Variants in PCDH11X observed in about 807,000 individuals in gnomAD.
PCDH11X encodes the protein protocadherin 11 X-linked, also known as protocadherin-11 X-linked.
Under a neutral mutation model 53.3 loss-of-function variants are expected in PCDH11X, and 18 were observed. That is an observed-to-expected ratio of 0.34 (90% CI 0.23 to 0.50). PCDH11X has a LOEUF of 0.50. Ranked by LOEUF, PCDH11X falls within the 20% of genes least tolerant of loss-of-function variation. The pLI, the probability that PCDH11X is intolerant of heterozygous loss-of-function variation, is 0.98. For synonymous variants in PCDH11X, 279 were observed against 393.3 expected, an observed-to-expected ratio of 0.71 and a Z score of 3.44; for missense variants, 570 against 1,032.4, an observed-to-expected ratio of 0.55 and a Z score of 6.14.
intron 9 of PCDH11X, among the ~76,000 whole-genome samples, chrX:92,433,158 A>G (rs891976186): frequency 9.0e-6 from 1 of 111,165 alleles, no homozygotes; most frequent in Non-Finnish European, 1.9e-5. Flanking sequence ...AAGAGCTATT[A>G]TTGTAATTGC....
At chrX:92,464,084 G>A (rs997498194) in intron 9 of PCDH11X, among the ~76,000 whole-genome samples, 2 of 111,903 alleles carry the variant, frequency 1.8e-5, no homozygotes, top group African/African-American at 6.5e-5. Flanking sequence ...CTTTGATCCA[G>A]TAGTAACCTA....
chrX:92,431,593 A>G, intron 9 of PCDH11X, among the ~76,000 whole-genome samples: 1 of 110,498 alleles, frequency 9.0e-6, no homozygotes, highest in South Asian at 3.7e-4. Flanking sequence ...CTATTATTCT[A>G]TATCATGTCT....
chrX:92,019,950 A>T (rs1036621042), intron 6 of PCDH11X, among the ~76,000 whole-genome samples: 1 of 111,670 alleles, frequency 9.0e-6, no homozygotes, highest in African/African-American at 3.3e-5. Flanking sequence ...TTGACGGCCC[A>T]CCCAAGAGCC....
intron 6 of PCDH11X, among the ~76,000 whole-genome samples, chrX:92,092,630 G>A (rs1406672197): frequency 4.5e-5 from 5 of 111,410 alleles, no homozygotes; most frequent in African/African-American, 1.6e-4. Context: ...ACAAACGTTT[G>A]CATTATTTTG....
chrX:91,936,926 AT>A, intron 6 of PCDH11X, among the ~76,000 whole-genome samples: 1 of 107,773 alleles, frequency 9.3e-6, no homozygotes, highest in East Asian at 2.9e-4. Context: ...TGTTATTGTA[AT>A]TATTTATATA....
intron 5 of PCDH11X, among the ~76,000 whole-genome samples, chrX:91,839,346 G>T (rs943169884): frequency 2.8e-5 from 3 of 108,500 alleles, no homozygotes; most frequent in Non-Finnish European, 3.8e-5. Context: ...GGGCACAGTA[G>T]CTCACACCTG....
intron 7 of PCDH11X, among the ~76,000 whole-genome samples, chrX:92,205,512 A>G (rs144107490): frequency 5.9e-4 from 66 of 111,224 alleles, no homozygotes; most frequent in African/African-American, 2.1e-3. Context: ...GACATCAGGT[A>G]TCACTGGGAT....
At chrX:92,522,945 C>T (rs1029831595) in intron 10 of PCDH11X, among the ~76,000 whole-genome samples, 77 of 111,358 alleles carry the variant, frequency 6.9e-4, no homozygotes, top group African/African-American at 2.4e-3. Flanking sequence ...GAGTTATTCT[C>T]AGCAGTTAAG....
chrX:91,869,908 A>G (rs1423819722), intron 5 of PCDH11X, among the ~76,000 whole-genome samples: 5 of 111,993 alleles, frequency 4.5e-5, no homozygotes, highest in African/African-American at 1.6e-4. Flanking sequence ...GCACAAGCAA[A>G]TGAAACAAGT....
chrX:92,108,217 TTA>T (rs898600082), intron 6 of PCDH11X, among the ~76,000 whole-genome samples: 2 of 112,055 alleles, frequency 1.8e-5, no homozygotes, highest in Non-Finnish European at 3.8e-5. Flanking sequence ...TTCTTCTTCT[TTA>T]TGTCATTAAG....
chrX:92,080,459 T>A (rs1396600527), intron 6 of PCDH11X, among the ~76,000 whole-genome samples: 1 of 111,336 alleles, frequency 9.0e-6, no homozygotes, highest in African/African-American at 3.3e-5. Context: ...ATGAGAACAA[T>A]ACCTTAGCTA....
intron 9 of PCDH11X, among the ~76,000 whole-genome samples, chrX:92,467,079 G>C: frequency 9.0e-6 from 1 of 110,837 alleles, no homozygotes; most frequent in East Asian, 2.8e-4. Flanking sequence ...GTGGGGAATT[G>C]CAAAATTCTA....
At chrX:91,985,705 C>G (rs993216658) in intron 6 of PCDH11X, among the ~76,000 whole-genome samples, 14 of 111,256 alleles carry the variant, frequency 1.3e-4, no homozygotes, top group African/African-American at 4.6e-4. Context: ...TTAAATACAA[C>G]CTTCTTGTCT....
intron 6 of PCDH11X, among the ~76,000 whole-genome samples, chrX:92,104,368 C>T (rs774046960): frequency 1.2e-4 from 13 of 109,869 alleles, no homozygotes; most frequent in African/African-American, 4.0e-4. Context: ...AGGGGACAGG[C>T]GGGAGGGAAA....
chrX:92,307,265 G>A (rs2068851956), intron 8 of PCDH11X, among the ~76,000 whole-genome samples: 1 of 109,316 alleles, frequency 9.1e-6, no homozygotes, highest in Non-Finnish European at 1.9e-5. Context: ...TATATACCAT[G>A]ACCCAGTGAG....
intron 6 of PCDH11X, among the ~76,000 whole-genome samples, chrX:92,169,661 AG>A (rs2148273477): frequency 9.5e-6 from 1 of 105,631 alleles, no homozygotes; most frequent in Non-Finnish European, 1.9e-5. Context: ...TGTCTTATTG[AG>A]GCAGTAGAAT....
At chrX:91,800,049 A>T (rs769471637) in intron 1 of PCDH11X, among the ~76,000 whole-genome samples, 1 of 112,745 alleles carries the variant, frequency 8.9e-6, no homozygotes, top group South Asian at 3.6e-4. Context: ...AGACCGCGCC[A>T]CTGCATTCCA....
chrX:92,524,040 G>A (rs1004461526), intron 10 of PCDH11X, among the ~76,000 whole-genome samples: 7 of 108,553 alleles, frequency 6.4e-5, no homozygotes, highest in African/African-American at 2.0e-4. Context: ...ATGAGTAAAC[G>A]CTTAGCACAG....
intron 9 of PCDH11X, among the ~76,000 whole-genome samples, chrX:92,417,542 T>C (rs2071842944): frequency 9.0e-6 from 1 of 111,627 alleles, no homozygotes; most frequent in South Asian, 3.7e-4. Context: ...TTTTATTTCA[T>C]AAAAGACACT....
Sources: allele counts gnomAD v4.1 joint callset (sites outside exome capture counted in the v4.1 genomes callset), GRCh38; gene constraint gnomAD v4.1.1; transcripts MANE v1.5; gene names NCBI Gene and HGNC (gene_info 2026-07-23, HGNC 2026-07-21).